The following TXNL4A variants were observed in gnomAD, a reference collection of about 807,000 sequenced individuals.
TXNL4A encodes the protein thioredoxin-like protein 4A.
Under a neutral mutation model 14.6 loss-of-function variants are expected in TXNL4A, and 17 were observed. The ratio of observed to expected loss-of-function variants is 1.16; its 90% CI spans 0.80 to 1.74. The LOEUF is 1.74. Ranked by LOEUF, TXNL4A falls within the 40% of genes most tolerant of loss-of-function variation. TXNL4A has a pLI of 0.00. For synonymous variants in TXNL4A, 83 were observed against 70.6 expected, an observed-to-expected ratio of 1.18 and a Z score of -0.88; for missense variants, 74 against 195.2, an observed-to-expected ratio of 0.38 and a Z score of 3.70.
chr18:79,995,747 A>G (rs1430005827), intron 1 of TXNL4A, among the ~76,000 whole-genome samples: 1 of 152,198 alleles, frequency 6.6e-6, no homozygotes, highest in African/African-American at 2.4e-5. Context: ...TCTCAGCCCC[A>G]GAAAGATTTT....
intron 1 of TXNL4A, among the ~76,000 whole-genome samples, chr18:79,998,845 T>C (rs1171888202): frequency 2.6e-5 from 4 of 152,048 alleles, no homozygotes; most frequent in Non-Finnish European, 5.9e-5. Context: ...TGTCAGGCCC[T>C]TCTGACAAGA....
chr18:79,998,632 T>C (rs1176017974), intron 1 of TXNL4A, among the ~76,000 whole-genome samples: 1 of 149,478 alleles, frequency 6.7e-6, no homozygotes, highest in Non-Finnish European at 1.5e-5. Flanking sequence ...GTAGCAACCA[T>C]GGCCCTTCTG....
intron 1 of TXNL4A, among the ~76,000 whole-genome samples, chr18:79,978,117 G>A (rs551056502): frequency 6.6e-6 from 1 of 152,252 alleles, no homozygotes; most frequent in East Asian, 1.9e-4. Flanking sequence ...ATTGGCCGCT[G>A]GCTCCTTCCG....
At chr18:79,997,297 C>T (rs1285662869) in intron 1 of TXNL4A, among the ~76,000 whole-genome samples, 1 of 151,914 alleles carries the variant, frequency 6.6e-6, no homozygotes, top group Non-Finnish European at 1.5e-5. Context: ...CAGATGGAAT[C>T]GCCCCTGTCA....
intron 1 of TXNL4A, among the ~76,000 whole-genome samples, chr18:80,005,404 T>C (rs2051723348): frequency 6.6e-6 from 1 of 152,220 alleles, no homozygotes; most frequent in Non-Finnish European, 1.5e-5. Context: ...CTGTCTTTCT[T>C]AGGGTGGGCA....
chr18:80,028,699 C>A (rs2051901205), intron 1 of TXNL4A, among the ~76,000 whole-genome samples: 1 of 152,194 alleles, frequency 6.6e-6, no homozygotes, highest in Non-Finnish European at 1.5e-5. Context: ...GAGTTGATTG[C>A]CCTGACCCGT....
chr18:79,986,054 T>C (rs1046022555), intron 1 of TXNL4A, among the ~76,000 whole-genome samples: 6 of 152,060 alleles, frequency 3.9e-5, no homozygotes, highest in African/African-American at 1.4e-4. Flanking sequence ...TTTTTTTTTT[T>C]TGGAGACAGA....
At chr18:79,989,749 CT>C (rs2051612082), upstream of TXNL4A, among the ~76,000 whole-genome samples, 2 of 152,128 alleles carry the variant, frequency 1.3e-5, no homozygotes, top group Non-Finnish European at 1.5e-5. Flanking sequence ...AATCCCAGCA[CT>C]TTGGGAGGCC....
chr18:79,991,954 G>A (rs1384456507), upstream of TXNL4A, among the ~76,000 whole-genome samples: 1 of 152,224 alleles, frequency 6.6e-6, no homozygotes, highest in East Asian at 1.9e-4. Flanking sequence ...ATCAATATAT[G>A]TAAGAAGAAC....
chr18:79,983,644 G>A (rs956144005), intron 1 of TXNL4A, among the ~76,000 whole-genome samples: 3 of 152,154 alleles, frequency 2.0e-5, no homozygotes, highest in African/African-American at 7.2e-5. Context: ...GGTAATTCAT[G>A]TCAAAGCCAT....
intron 1 of TXNL4A, among the ~76,000 whole-genome samples, chr18:80,017,085 G>T (rs1269222708): frequency 1.3e-5 from 2 of 148,648 alleles, no homozygotes; most frequent in African/African-American, 2.5e-5. Flanking sequence ...CACATCCCTT[G>T]TAAGTTGGAT....
At chr18:79,980,603 G>C (rs1460481132) in intron 1 of TXNL4A, among the ~76,000 whole-genome samples, 1 of 152,170 alleles carries the variant, frequency 6.6e-6, no homozygotes, top group African/African-American at 2.4e-5. Flanking sequence ...CATGGAGCAG[G>C]GTGGGGAGAG....
At chr18:80,006,182 G>A (rs776756016) in intron 1 of TXNL4A, among the ~76,000 whole-genome samples, 18 of 151,766 alleles carry the variant, frequency 1.2e-4, no homozygotes, top group Middle Eastern at 3.4e-3. Context: ...TCAGGAGTTC[G>A]AGACCAGCCT....
intron 1 of TXNL4A, 128 bp from the exon 2 acceptor site, chr18:79,977,829 A>G: frequency 4.6e-6 from 3 of 647,264 alleles, no homozygotes; most frequent in Non-Finnish European, 5.4e-6. Context: ...TGTTTTTTTG[A>G]GACAGGGTCT....
chr18:80,007,870 T>C (rs1400398870), intron 1 of TXNL4A, among the ~76,000 whole-genome samples: 2 of 152,210 alleles, frequency 1.3e-5, no homozygotes, highest in Non-Finnish European at 2.9e-5. Context: ...CCAGGTGGTC[T>C]TGGCTCCCTT....
chr18:80,010,165 C>A (rs1371764880), intron 1 of TXNL4A, among the ~76,000 whole-genome samples: 6 of 152,084 alleles, frequency 3.9e-5, no homozygotes, highest in Non-Finnish European at 7.3e-5. Context: ...AGTACAGACA[C>A]AAAGGTGAAG....
At chr18:80,013,208 C>T (rs182476474) in intron 1 of TXNL4A, among the ~76,000 whole-genome samples, 93 of 151,450 alleles carry the variant, frequency 6.1e-4, no homozygotes, top group Non-Finnish European at 1.1e-3. Flanking sequence ...CTGCAAGCTC[C>T]GCCTCCTGGG....
Position 79,996,082 on chromosome 18 carries a change from C to T in TXNL4A, c.-60-18381G>A, listed in dbSNP as rs193223863. Among the ~76,000 whole-genome samples the T allele has an allele frequency of 2.9e-3, 318 of 109,288 alleles. 2 individuals carry two copies. Among genetic ancestry groups the T allele is most frequent in the Admixed American group, 0.01 (68 of 6,636 alleles). 71.7% of individuals were successfully genotyped at this position (109,288 alleles called of 152,430 possible). On this transcript the variant is annotated intron_variant, in intron 1 of 2. Transcript: ENST00000585474. ...TCGCGCCACTGCACTCCAGCCTGGG[C>T]GACAGAGCAAGACTCTGACTCAAAA...
chr18:79,971,086 A>G lies in TXNL4A; in HGVS notation c.*2599T>C, dbSNP rs2051296224. 1 of 153,002 alleles carries G rather than the reference A, an allele frequency of 6.5e-6. No homozygotes were observed. The highest frequency in any genetic ancestry group is 2.4e-5 in the African/African-American group (1 of 41,468). The allele number at this position is 153,002 out of a possible 1,614,324, so 9.5% of individuals were successfully genotyped here. A position where few individuals can be genotyped will look rare whatever the true frequency, so the allele number is the denominator to read the frequency against. The stretch of plus-strand genomic sequence containing the variant: ...CCGTCTCTATGGATGTGCCTATTCT[A>G]GAAATTCCGTATAAATGGAATCACA... On this transcript the variant is annotated 3_prime_UTR_variant, in exon 3 of 3. Transcript: ENST00000269601.
Sources: allele counts gnomAD v4.1 joint callset (sites outside exome capture counted in the v4.1 genomes callset), GRCh38; gene constraint gnomAD v4.1.1; transcripts MANE v1.5; gene names NCBI Gene and HGNC (gene_info 2026-07-23, HGNC 2026-07-21).